Variants in CCDC186 observed in about 807,000 individuals in gnomAD.
CCDC186 encodes the protein coiled-coil domain-containing protein 186.
A neutral mutation model predicts 113.7 loss-of-function variants in CCDC186; 49 were observed. The ratio of observed to expected loss-of-function variants is 0.43; its 90% CI spans 0.34 to 0.55. The LOEUF (loss-of-function observed/expected upper bound fraction) is 0.55. Among genes scored for constraint, CCDC186 ranks in the 20% least tolerant of loss-of-function variants. CCDC186 has a pLI of 0.02. For synonymous variants in CCDC186, 355 were observed against 345.8 expected (o/e 1.03, Z -0.30); for missense variants, 890 against 1,011.1 (o/e 0.88, Z 1.62).
At chr10:114,156,370 C>G (rs2032009992) in intron 3 of CCDC186, among the ~76,000 whole-genome samples, 1 of 152,222 alleles carries the variant, frequency 6.6e-6, no homozygotes. Flanking sequence ...AGCAACTCAG[C>G]TTTCCTATTA....
intron 6 of CCDC186, among the ~76,000 whole-genome samples, chr10:114,142,861 T>C (rs142420819): frequency 7.2e-5 from 11 of 152,308 alleles, no homozygotes; most frequent in African/African-American, 2.6e-4. Flanking sequence ...TCTCAAGAGG[T>C]AGACTATAAT....
chr10:114,128,792 A>G (rs1384399763), intron 13 of CCDC186, among the ~76,000 whole-genome samples: 2 of 152,220 alleles, frequency 1.3e-5, no homozygotes, highest in Admixed American at 6.5e-5. Flanking sequence ...GGACATAGGT[A>G]TATCATGAGA....
At chr10:114,131,895 C>A in intron 11 of CCDC186, 34 bp downstream of exon 11, 3 of 1,545,650 alleles carry the variant, frequency 1.9e-6, no homozygotes, top group East Asian at 2.3e-5. Flanking sequence ...GTGCTTGTTA[C>A]GTTGTTTTAA....
At chr10:114,146,915 C>T (rs1226508727) in intron 4 of CCDC186, among the ~76,000 whole-genome samples, 2 of 152,200 alleles carry the variant, frequency 1.3e-5, no homozygotes, top group African/African-American at 4.8e-5. Flanking sequence ...ATCTAGTCAA[C>T]ACTGAGAATG....
chr10:114,140,907 T>C (rs1298890705), intron 6 of CCDC186, among the ~76,000 whole-genome samples: 1 of 152,050 alleles, frequency 6.6e-6, no homozygotes, highest in Non-Finnish European at 1.5e-5. Context: ...AATCTTTTTT[T>C]TTTTTAAGAC....
chr10:114,137,137 T>C (rs774136445), intron 7 of CCDC186, 49 bp downstream of exon 7: 3 of 1,395,808 alleles, frequency 2.1e-6, no homozygotes, highest in Non-Finnish European at 2.0e-6. Context: ...AAGAGAGAAC[T>C]GATATTTGCT....
chr10:114,169,302 T>C (rs185621226), intron 1 of CCDC186, among the ~76,000 whole-genome samples: 102 of 147,874 alleles, frequency 6.9e-4, no homozygotes, highest in African/African-American at 2.5e-3. Context: ...TGGAATGCAG[T>C]GGTGCCATCT....
chr10:114,166,897 A>G (rs992030680), intron 1 of CCDC186, among the ~76,000 whole-genome samples: 1 of 152,224 alleles, frequency 6.6e-6, no homozygotes, highest in Non-Finnish European at 1.5e-5. Context: ...TAAATTAAGG[A>G]AGACTCAGAT....
At chr10:114,142,702 G>C (rs1208516267) in intron 6 of CCDC186, among the ~76,000 whole-genome samples, 1 of 152,092 alleles carries the variant, frequency 6.6e-6, no homozygotes, top group African/African-American at 2.4e-5. Context: ...ATGCACTGGG[G>C]GTCTGACCAG....
At chr10:114,173,643 A>G (rs1189658415) in intron 1 of CCDC186, among the ~76,000 whole-genome samples, 1 of 152,232 alleles carries the variant, frequency 6.6e-6, no homozygotes, top group Non-Finnish European at 1.5e-5. Context: ...TAGGCGATTG[A>G]GTCTAGGAAA....
rs1298095726 is a variant in CCDC186 at position 114,162,865 on chromosome 10, G to A, written c.404C>T (p.Thr135Ile). The A allele has an allele frequency of 6.2e-7, 1 of 1,613,936 alleles. No homozygotes were observed. The highest frequency in any genetic ancestry group is 8.5e-7 in the Non-Finnish European group (1 of 1,179,912). Reference protein sequence around the residue: ...STFPESANEKTYSESPYDTDC... With the variant: ...STFPESANEKIYSESPYDTDC... ...TGTATCATAGGGGCTTTCTGAATAAGTCTTTTCATTAGCTGATTCTGGAAA... is the reference window on the plus strand; with the variant it reads ...TGTATCATAGGGGCTTTCTGAATAAATCTTTTCATTAGCTGATTCTGGAAA... Residue 135 changes from threonine (T) to isoleucine (I), a missense_variant, in exon 2 of 16, where the codon ACT becomes ATT. Coordinates refer to ENST00000369287, the MANE Select transcript of CCDC186 (RefSeq NM_018017.4).
At chr10:114,136,795 T>C (rs1310101420) in intron 7 of CCDC186, among the ~76,000 whole-genome samples, 1 of 152,154 alleles carries the variant, frequency 6.6e-6, no homozygotes, top group Non-Finnish European at 1.5e-5. Flanking sequence ...TATGCAGATG[T>C]AGAATATTGC....
intron 6 of CCDC186, among the ~76,000 whole-genome samples, chr10:114,141,738 TC>T (rs2031476175): frequency 1.3e-5 from 2 of 152,132 alleles, no homozygotes; most frequent in South Asian, 4.1e-4. Context: ...GTTGTATTTT[TC>T]TCTTTTCTGG....
chr10:114,136,978 G>A (rs999515306), intron 7 of CCDC186, among the ~76,000 whole-genome samples: 3 of 151,994 alleles, frequency 2.0e-5, no homozygotes, highest in African/African-American at 7.2e-5. Context: ...TTAGCCAGGT[G>A]TGGTGGCAGG....
At chr10:114,171,576 G>T (rs1352046242) in intron 1 of CCDC186, among the ~76,000 whole-genome samples, 1 of 151,816 alleles carries the variant, frequency 6.6e-6, no homozygotes, top group Non-Finnish European at 1.5e-5. Context: ...ATGAAGCCTA[G>T]TATCTTTAAA....
chr10:114,148,097 T>C (rs1572285), intron 4 of CCDC186, among the ~76,000 whole-genome samples: 10,458 of 152,206 alleles, frequency 0.069, 538 homozygotes, highest in Non-Finnish European at 0.1. Flanking sequence ...ATTGCACCAT[T>C]GCACTCCAGC....
Position 114,156,085 on chromosome 10 carries a change from AAT to A in CCDC186, c.759+1467_759+1468del, listed in dbSNP as rs565183177. On this transcript the variant is annotated intron_variant, in intron 3 of 15. Transcript: ENST00000369287. ...GGTCATTGAGTGACCTGACTACCGA[AAT>A]ATGGATTTAGCCTGTTAAGACTCCC... 1.4e-3 allele frequency among the ~76,000 whole-genome samples: 206 copies of A among 152,320 alleles called. 2 individuals are homozygous for A. Among genetic ancestry groups the A allele is most frequent in the African/African-American group, 4.6e-3 (192 of 41,568 alleles).
At chr10:114,138,179 G>A (rs999348850) in intron 6 of CCDC186, among the ~76,000 whole-genome samples, 1 of 147,036 alleles carries the variant, frequency 6.8e-6, no homozygotes, top group African/African-American at 2.5e-5. Flanking sequence ...GGCAGCAGTT[G>A]CAGTGAGCCG....
intron 5 of CCDC186, 25 bp downstream of exon 5, chr10:114,145,524 A>G (rs781154934): frequency 7.1e-6 from 11 of 1,540,484 alleles, no homozygotes; most frequent in Non-Finnish European, 7.9e-6. Flanking sequence ...TAAGGTCAAC[A>G]TATTTCAAAT....
Sources: allele counts gnomAD v4.1 joint callset (sites outside exome capture counted in the v4.1 genomes callset), GRCh38; gene constraint gnomAD v4.1.1; transcripts MANE v1.5; gene names NCBI Gene and HGNC (gene_info 2026-07-23, HGNC 2026-07-21).